Variants in ZFHX4 observed in about 807,000 individuals in gnomAD.
ZFHX4 encodes the protein zinc finger homeobox protein 4.
In ZFHX4, 56 loss-of-function variants were observed where a neutral mutation model predicts 267.6. The ratio of observed to expected loss-of-function variants is 0.21; its 90% CI spans 0.17 to 0.26. ZFHX4 has a LOEUF of 0.26. ZFHX4 is among the 10% of genes least tolerant of loss of function. ZFHX4 has a pLI of 1.00. For synonymous variants in ZFHX4, 1,778 were observed against 1,665.6 expected (o/e 1.07, Z -1.64); for missense variants, 4,332 against 4,420.0 (o/e 0.98, Z 0.56).
chr8:76,850,745 A>T, intron 9 of ZFHX4, 141 bp from the exon 10 acceptor site: 2 of 1,046,414 alleles, frequency 1.9e-6, no homozygotes, highest in Non-Finnish European at 2.6e-6. Flanking sequence ...AGTGCTTGCC[A>T]CATAGTAGTT....
At chr8:76,708,603 G>T (rs1370695900) in intron 3 of ZFHX4, among the ~76,000 whole-genome samples, 1 of 152,154 alleles carries the variant, frequency 6.6e-6, no homozygotes, top group Non-Finnish European at 1.5e-5. Context: ...TATTTTGTAT[G>T]ACTGTCTTCC....
chr8:76,686,420 C>T (rs933326744), intron 1 of ZFHX4, among the ~76,000 whole-genome samples: 12 of 152,132 alleles, frequency 7.9e-5, no homozygotes, highest in Non-Finnish European at 1.6e-4. Context: ...TGCAGAACTA[C>T]TTTTTATGCC....
chr8:76,694,761 G>A (rs1350225735), intron 1 of ZFHX4, among the ~76,000 whole-genome samples: 1 of 141,348 alleles, frequency 7.1e-6, no homozygotes, highest in African/African-American at 2.6e-5. Flanking sequence ...TTCTTTTGAT[G>A]AAGTTGATCT....
chr8:76,765,413 T>C (rs1236622129), intron 3 of ZFHX4, among the ~76,000 whole-genome samples: 3 of 152,170 alleles, frequency 2.0e-5, no homozygotes, highest in African/African-American at 7.2e-5. Context: ...ACAGAGGCTA[T>C]AGCTTGGTTT....
chr8:76,770,399 A>G (rs1261703905), intron 3 of ZFHX4, among the ~76,000 whole-genome samples: 1 of 152,130 alleles, frequency 6.6e-6, no homozygotes, highest in Non-Finnish European at 1.5e-5. Flanking sequence ...AATTCTATCA[A>G]ATATGATGTC....
At chr8:76,697,501 T>C (rs747519702) in intron 1 of ZFHX4, among the ~76,000 whole-genome samples, 2 of 152,132 alleles carry the variant, frequency 1.3e-5, no homozygotes, top group Admixed American at 6.5e-5. Context: ...AGACTAGCAA[T>C]ATAACATATG....
chr8:76,863,387 G>T lies in ZFHX4; in HGVS notation c.9673G>T (p.Ala3225Ser), dbSNP rs1448980987. Residue 3225 changes from alanine to serine, a missense_variant, in exon 11 of 11, where the codon GCT becomes TCT. Ala to Ser is a moderately conservative substitution (Grantham distance 99, BLOSUM62 1). This residue lies in a region of ZFHX4 where 1,648 missense variants were observed against 1,625.0 expected (regional missense o/e 1.01). Transcript: ENST00000651372. ...CAAAAAAGAGGAAAAAATCTCATCTGCTCTTTCAGTGTTGGGCAAAGTTGT... is the reference window on the plus strand; with the variant it reads ...CAAAAAAGAGGAAAAAATCTCATCTTCTCTTTCAGTGTTGGGCAAAGTTGT... ...HPKKEEKISS[A>S]LSVLGKVVGE... is the part of the protein sequence containing the mutation. 6.2e-7 allele frequency: 1 copy of T among 1,613,948 alleles called. No homozygotes were observed. Among genetic ancestry groups the T allele is most frequent in the Admixed American group, 1.7e-5 (1 of 60,016 alleles).
At chr8:76,692,054 G>T in intron 1 of ZFHX4, among the ~76,000 whole-genome samples, 1 of 152,098 alleles carries the variant, frequency 6.6e-6, no homozygotes, top group East Asian at 1.9e-4. Flanking sequence ...ACAGGTGGAT[G>T]CTCCTCCACA....
chr8:76,840,489 A>G (rs1173050817), intron 5 of ZFHX4, among the ~76,000 whole-genome samples: 1 of 152,214 alleles, frequency 6.6e-6, no homozygotes, highest in Non-Finnish European at 1.5e-5. Flanking sequence ...CAGAAAATGA[A>G]GAAGAGGACC....
chr8:76,692,230 C>T (rs1234883731), intron 1 of ZFHX4, among the ~76,000 whole-genome samples: 1 of 152,056 alleles, frequency 6.6e-6, no homozygotes, highest in African/African-American at 2.4e-5. Context: ...AGATTCCAGA[C>T]ACTCCATTAA....
In ZFHX4 at chr8:76,850,839, G is replaced by T. The variant is rs149251206; in HGVS notation, c.3965-47G>T. Reference sequence around the variant, plus strand: ...TATAATATTAATTAATATTTAAGGAGTAGGTTTTCTTATTGTAAGAGAGAT... The same window carrying T: ...TATAATATTAATTAATATTTAAGGATTAGGTTTTCTTATTGTAAGAGAGAT... On this transcript the variant is annotated intron_variant, in intron 9 of 10. Coordinates refer to ENST00000651372, the MANE Select transcript of ZFHX4 (RefSeq NM_024721.5). 1,696 of 1,448,142 alleles carry T rather than the reference G, an allele frequency of 1.2e-3. 23 individuals are homozygous for T. The African/African-American group carries it at 0.022, about 19-fold the overall frequency. 89.7% of individuals were successfully genotyped at this position (1,448,142 alleles called of 1,614,324 possible).
intron 3 of ZFHX4, among the ~76,000 whole-genome samples, chr8:76,713,658 G>C (rs16939337): frequency 0.067 from 10,162 of 152,166 alleles, 372 homozygotes; most frequent in Middle Eastern, 0.11. Context: ...ATTCCCCACA[G>C]AAAACTAGCG....
Position 76,706,333 on chromosome 8 carries a change from A to T in ZFHX4, c.2245A>T (p.Ser749Cys), listed in dbSNP as rs1467549462. The T allele has an allele frequency of 6.2e-7, 1 of 1,614,110 alleles. No homozygotes were observed. The highest frequency in any genetic ancestry group is 8.5e-7 in the Non-Finnish European group (1 of 1,179,978). The change falls in exon 2 of 11, where the codon AGC becomes TGC. Residue 749 changes from serine (S) to cysteine (C), a missense_variant. Around this residue, in one of 7 missense-constraint regions of ZFHX4, gnomAD observed 1,195 missense variants for 1,173.6 expected, o/e 1.02. Transcript: ENST00000651372. Reference sequence around the variant, plus strand: ...CCACTCTGCCCCAGCCCCCAACACCAGCCTCAGTGGCTGCGGAACACCCTC... The same window carrying T: ...CCACTCTGCCCCAGCCCCCAACACCTGCCTCAGTGGCTGCGGAACACCCTC... ...FGHSAPAPNTSLSGCGTPSPS... is the reference protein window; with the variant it reads ...FGHSAPAPNTCLSGCGTPSPS...
intron 3 of ZFHX4, among the ~76,000 whole-genome samples, chr8:76,743,771 A>G (rs1035434106): frequency 4.6e-5 from 7 of 152,190 alleles, no homozygotes; most frequent in Non-Finnish European, 1.0e-4. Context: ...CAGATGTATT[A>G]AGAAACTGGC....
intron 4 of ZFHX4, among the ~76,000 whole-genome samples, chr8:76,798,935 T>C (rs1189089047): frequency 1.3e-5 from 2 of 152,166 alleles, no homozygotes; most frequent in African/African-American, 2.4e-5. Context: ...CTTTCTATCC[T>C]TTTGCCTGCA....
chr8:76,699,151 TTAAC>T (rs777397647), intron 1 of ZFHX4, among the ~76,000 whole-genome samples: 25 of 152,324 alleles, frequency 1.6e-4, no homozygotes, highest in Non-Finnish European at 2.9e-4. Flanking sequence ...CTCACAAACA[TTAAC>T]TACGCAGATT....
At chr8:76,739,813 G>A (rs1021459085) in intron 3 of ZFHX4, among the ~76,000 whole-genome samples, 11 of 152,050 alleles carry the variant, frequency 7.2e-5, no homozygotes, top group Admixed American at 5.9e-4. Context: ...AATATATAAT[G>A]TTTGTTATAT....
rs181873038 is a variant in ZFHX4 at position 76,754,381 on chromosome 8, C to T, written c.3094-23827C>T. Among the ~76,000 whole-genome samples the T allele has an allele frequency of 1.6e-4, 24 of 151,906 alleles. No individual in the cohort carries two copies. In the East Asian group the frequency reaches 2.3e-3, roughly 15 times the overall value. On this transcript the variant is annotated intron_variant, in intron 3 of 10. Coordinates refer to ENST00000651372, the MANE Select transcript of ZFHX4 (RefSeq NM_024721.5). Reference sequence around the variant, plus strand: ...GTGCGCACCTGTAATCCCAGATACGCGGGAGGCTGAGACAGGAGAATCACT... The same window carrying T: ...GTGCGCACCTGTAATCCCAGATACGTGGGAGGCTGAGACAGGAGAATCACT...
intron 1 of ZFHX4, among the ~76,000 whole-genome samples, chr8:76,689,747 T>A (rs1435198478): frequency 6.6e-6 from 1 of 152,072 alleles, no homozygotes; most frequent in African/African-American, 2.4e-5. Context: ...TGCTCTCTAG[T>A]CTCCCTTTCT....
Sources: gnomAD v4.1 joint callset for allele counts (sites outside exome capture counted in the v4.1 genomes callset) on GRCh38, gnomAD v4.1.1 for gene constraint, gnomAD v4.1.1 regional missense constraint, MANE v1.5 for transcripts, NCBI Gene and HGNC (gene_info 2026-07-23, HGNC 2026-07-21) for gene names.